The following AUTS2 variants were observed in gnomAD, a reference collection of about 807,000 sequenced individuals.
The protein encoded by AUTS2 is autism susceptibility gene 2 protein.
Under a neutral mutation model 112.4 loss-of-function variants are expected in AUTS2, and 17 were observed. The ratio of observed to expected loss-of-function variants is 0.15; its 90% CI spans 0.10 to 0.23. AUTS2 has a LOEUF of 0.23. Among genes scored for constraint, AUTS2 ranks in the 10% least tolerant of loss-of-function variants. The pLI is 1.00. For missense variants in AUTS2, 1,510 were observed against 1,701.6 expected (o/e 0.89, Z 1.98); for synonymous variants, 751 against 702.7 (o/e 1.07, Z -1.09).
chr7:70,042,459 T>C (rs1801289390), intron 2 of AUTS2, among the ~76,000 whole-genome samples: 1 of 152,172 alleles, frequency 6.6e-6, no homozygotes, highest in Non-Finnish European at 1.5e-5. Context: ...GAAAACTTAG[T>C]AATACTGTTT....
At chr7:70,264,115 G>C (rs747944442) in intron 4 of AUTS2, among the ~76,000 whole-genome samples, 1 of 152,100 alleles carries the variant, frequency 6.6e-6, no homozygotes, top group Admixed American at 6.6e-5. Context: ...GAGTGGAAGC[G>C]TTCATAAAAT....
At chr7:69,803,171 G>C (rs1030019242) in intron 1 of AUTS2, among the ~76,000 whole-genome samples, 4 of 152,160 alleles carry the variant, frequency 2.6e-5, no homozygotes. Flanking sequence ...ATAAATACCT[G>C]CATTTCATAG....
chr7:69,928,398 C>T (rs1030413967), intron 2 of AUTS2, among the ~76,000 whole-genome samples: 1 of 152,190 alleles, frequency 6.6e-6, no homozygotes, highest in African/African-American at 2.4e-5. Flanking sequence ...CCCTTTCCTG[C>T]CTTGGGACCT....
At chr7:70,649,277 G>A (rs531296570) in intron 5 of AUTS2, among the ~76,000 whole-genome samples, 1 of 152,068 alleles carries the variant, frequency 6.6e-6, no homozygotes, top group South Asian at 2.1e-4. Context: ...GAGCATGTCT[G>A]TGGTCTCAGC....
At chr7:70,761,611 A>G (rs1211321327) in intron 6 of AUTS2, among the ~76,000 whole-genome samples, 1 of 152,164 alleles carries the variant, frequency 6.6e-6, no homozygotes, top group Non-Finnish European at 1.5e-5. Flanking sequence ...TTTTCTATTG[A>G]GTGCCCTACT....
chr7:70,312,022 C>G (rs2129615540), intron 4 of AUTS2, among the ~76,000 whole-genome samples: 1 of 152,228 alleles, frequency 6.6e-6, no homozygotes, highest in Admixed American at 6.5e-5. Flanking sequence ...CCACACTTGG[C>G]CGATTTTTGT....
chr7:69,699,503 A>G (rs1797707987), intron 1 of AUTS2, among the ~76,000 whole-genome samples: 1 of 152,266 alleles, frequency 6.6e-6, no homozygotes, highest in South Asian at 2.1e-4. Flanking sequence ...CCATCTCACT[A>G]CAGAGAGAGC....
chr7:70,409,389 T>C (rs1331841716), intron 4 of AUTS2, among the ~76,000 whole-genome samples: 1 of 152,202 alleles, frequency 6.6e-6, no homozygotes, highest in Non-Finnish European at 1.5e-5. Context: ...ATAGCAAATG[T>C]GTGGACATAG....
chr7:69,953,380 T>TC (rs1562991643), intron 2 of AUTS2, among the ~76,000 whole-genome samples: 1 of 152,140 alleles, frequency 6.6e-6, no homozygotes, highest in African/African-American at 2.4e-5. Context: ...GATTTTTTTT[T>TC]CTTTCCTTCT....
At chr7:70,317,459 G>A (rs1024640140) in intron 4 of AUTS2, among the ~76,000 whole-genome samples, 1 of 152,290 alleles carries the variant, frequency 6.6e-6, no homozygotes, top group East Asian at 1.9e-4. Context: ...AACACTTCAT[G>A]TATTAACTTG....
At chr7:70,759,967 T>C (rs2129556518) in intron 6 of AUTS2, among the ~76,000 whole-genome samples, 1 of 152,284 alleles carries the variant, frequency 6.6e-6, no homozygotes, top group Non-Finnish European at 1.5e-5. Context: ...TATTGATGTC[T>C]TCACCAGCCC....
At chr7:70,323,424 G>C (rs918264062) in intron 4 of AUTS2, among the ~76,000 whole-genome samples, 13 of 152,184 alleles carry the variant, frequency 8.5e-5, no homozygotes, top group Admixed American at 3.3e-4. Context: ...GGTTTAAAGG[G>C]TTTGGAGATA....
chr7:69,963,542 CTT>C (rs1797516200), intron 2 of AUTS2, among the ~76,000 whole-genome samples: 1 of 152,138 alleles, frequency 6.6e-6, no homozygotes, highest in African/African-American at 2.4e-5. Flanking sequence ...CTATAAGTGT[CTT>C]TAGCTGACTG....
intron 1 of AUTS2, among the ~76,000 whole-genome samples, chr7:69,806,863 T>C (rs1790331584): frequency 6.6e-6 from 1 of 152,250 alleles, no homozygotes; most frequent in Non-Finnish European, 1.5e-5. Flanking sequence ...GGATGAGCTT[T>C]TTCCAGGAGT....
chr7:70,241,552 G>T (rs1419564800), intron 4 of AUTS2, among the ~76,000 whole-genome samples: 1 of 152,022 alleles, frequency 6.6e-6, no homozygotes, highest in African/African-American at 2.4e-5. Context: ...TTACACCCTT[G>T]GTTTGGGTTC....
intron 1 of AUTS2, among the ~76,000 whole-genome samples, chr7:69,741,433 G>A (rs937432679): frequency 1.3e-5 from 2 of 152,028 alleles, no homozygotes; most frequent in African/African-American, 4.8e-5. Flanking sequence ...GGACAGGTGC[G>A]GTGGCTCACA....
intron 5 of AUTS2, among the ~76,000 whole-genome samples, chr7:70,471,328 A>G (rs989641532): frequency 4.6e-5 from 7 of 152,296 alleles, no homozygotes; most frequent in African/African-American, 1.4e-4. Context: ...GTCTAGGGGT[A>G]GAATGGGGGA....
chr7:70,570,286 G>A (rs1801884105), intron 5 of AUTS2, among the ~76,000 whole-genome samples: 1 of 152,164 alleles, frequency 6.6e-6, no homozygotes, highest in African/African-American at 2.4e-5. Context: ...CATTTTGTAG[G>A]TGTTTCCTTC....
chr7:70,640,508 G>A (rs770321341), intron 5 of AUTS2, among the ~76,000 whole-genome samples: 13 of 150,972 alleles, frequency 8.6e-5, no homozygotes, highest in Non-Finnish European at 1.5e-4. Flanking sequence ...GGAAGTCAGC[G>A]CAGACATCCC....
Sources: gnomAD v4.1 joint callset for allele counts (sites outside exome capture counted in the v4.1 genomes callset) on GRCh38, gnomAD v4.1.1 for gene constraint, MANE v1.5 for transcripts, NCBI Gene and HGNC (gene_info 2026-07-23, HGNC 2026-07-21) for gene names.